DOCK3: variants seen among roughly 807,000 people sequenced by gnomAD.
The protein encoded by DOCK3 is dedicator of cytokinesis protein 3.
Under a neutral mutation model 265.6 loss-of-function variants are expected in DOCK3, and 60 were observed. The ratio of observed to expected loss-of-function variants is 0.23; its 90% CI spans 0.18 to 0.28. The LOEUF (loss-of-function observed/expected upper bound fraction) is 0.28. DOCK3 is among the 10% of genes least tolerant of loss of function. DOCK3 has a pLI of 1.00. For missense variants in DOCK3, 1,981 were observed against 2,594.3 expected, an observed-to-expected ratio of 0.76 and a Z score of 5.14; for synonymous variants, 881 against 938.0, an observed-to-expected ratio of 0.94 and a Z score of 1.11.
chr3:51,045,418 ACACACAGTT>A (rs1225386228), intron 5 of DOCK3, among the ~76,000 whole-genome samples: 6 of 152,170 alleles, frequency 3.9e-5, no homozygotes, highest in Non-Finnish European at 8.8e-5. Context: ...ATCACTGATC[ACACACAGTT>A]CACCATAACA....
chr3:51,136,565 G>A (rs890865583), intron 9 of DOCK3, among the ~76,000 whole-genome samples: 3 of 152,028 alleles, frequency 2.0e-5, no homozygotes, highest in African/African-American at 7.2e-5. Flanking sequence ...TGCAATTATA[G>A]CATTTTCACA....
intron 5 of DOCK3, among the ~76,000 whole-genome samples, chr3:51,015,159 A>G (rs1291262103): frequency 6.6e-6 from 1 of 152,076 alleles, no homozygotes; most frequent in Admixed American, 6.6e-5. Flanking sequence ...TAGGACTTCC[A>G]GTACTATTTT....
chr3:50,907,816 C>CT (rs1310151121), intron 4 of DOCK3, among the ~76,000 whole-genome samples: 7 of 151,930 alleles, frequency 4.6e-5, no homozygotes, highest in African/African-American at 1.7e-4. Flanking sequence ...GGTACCAGCT[C>CT]TTTTTTGTGC....
At chr3:51,049,538 G>C (rs2080909804) in intron 5 of DOCK3, among the ~76,000 whole-genome samples, 1 of 152,008 alleles carries the variant, frequency 6.6e-6, no homozygotes, top group Non-Finnish European at 1.5e-5. Context: ...TTCTGTACCA[G>C]TGTTTTGCCT....
chr3:50,869,451 A>C (rs1321559841), intron 3 of DOCK3, among the ~76,000 whole-genome samples: 3 of 126,890 alleles, frequency 2.4e-5, no homozygotes, highest in African/African-American at 9.4e-5. Flanking sequence ...GCTCACTGCA[A>C]CCTCTGCCTG....
At chr3:51,256,307 G>C (rs2079543006) in intron 22 of DOCK3, among the ~76,000 whole-genome samples, 1 of 152,212 alleles carries the variant, frequency 6.6e-6, no homozygotes, top group African/African-American at 2.4e-5. Context: ...CACTTACTCT[G>C]TTGCCCAGGC....
chr3:50,875,937 T>C (rs941495608), intron 3 of DOCK3, among the ~76,000 whole-genome samples: 2 of 151,960 alleles, frequency 1.3e-5, no homozygotes, highest in African/African-American at 2.4e-5. Context: ...TTTCATGATA[T>C]ATTGAACAAG....
chr3:50,941,179 A>C (rs537211377), intron 5 of DOCK3, among the ~76,000 whole-genome samples: 1 of 152,298 alleles, frequency 6.6e-6, no homozygotes, highest in Non-Finnish European at 1.5e-5. Context: ...ATATCCATCA[A>C]AAGATTTGTA....
At chr3:51,293,669 G>A (rs766950940) in intron 27 of DOCK3, among the ~76,000 whole-genome samples, 1 of 152,080 alleles carries the variant, frequency 6.6e-6, no homozygotes, top group Non-Finnish European at 1.5e-5. Flanking sequence ...AGAATGAAGA[G>A]AACACCTACA....
chr3:51,275,231 C>G, intron 25 of DOCK3, 25 bp downstream of exon 25: 2 of 1,613,324 alleles, frequency 1.2e-6, no homozygotes, highest in Non-Finnish European at 1.7e-6. Flanking sequence ...CCCACTCCAC[C>G]CTGTTCAGCT....
intron 1 of DOCK3, among the ~76,000 whole-genome samples, chr3:50,739,341 A>G (rs185859215): frequency 4.6e-5 from 7 of 152,148 alleles, no homozygotes; most frequent in Admixed American, 3.9e-4. Flanking sequence ...AGACCAACCA[A>G]ATCATTTAGT....
intron 1 of DOCK3, among the ~76,000 whole-genome samples, chr3:50,725,997 A>C (rs1274029962): frequency 1.4e-4 from 22 of 152,182 alleles, no homozygotes; most frequent in Non-Finnish European, 1.5e-5. Context: ...ATAAAAATTC[A>C]ATGTTGCTTA....
intron 9 of DOCK3, among the ~76,000 whole-genome samples, chr3:51,114,042 G>A (rs1474352850): frequency 6.6e-6 from 1 of 151,964 alleles, no homozygotes; most frequent in East Asian, 1.9e-4. Context: ...CCTGGAGGTC[G>A]AGGTTGCAGT....
chr3:50,930,644 C>T (rs979732341), intron 4 of DOCK3, among the ~76,000 whole-genome samples: 7 of 152,190 alleles, frequency 4.6e-5, no homozygotes, highest in African/African-American at 1.7e-4. Flanking sequence ...CGCAGAGCTC[C>T]CCCTCACCTG....
intron 4 of DOCK3, among the ~76,000 whole-genome samples, chr3:50,908,167 G>C (rs527670284): frequency 1.4e-5 from 2 of 138,956 alleles, no homozygotes; most frequent in East Asian, 4.2e-4. Flanking sequence ...CCATCTTCCA[G>C]ATTCATTGAT....
At chr3:50,819,172 T>C (rs527827372) in intron 2 of DOCK3, among the ~76,000 whole-genome samples, 28 of 152,326 alleles carry the variant, frequency 1.8e-4, no homozygotes, top group African/African-American at 6.7e-4. Context: ...GCTTTGACTT[T>C]GGCACCTGCA....
intron 19 of DOCK3, among the ~76,000 whole-genome samples, chr3:51,233,328 A>T (rs1262422697): frequency 2.4e-5 from 1 of 41,684 alleles, no homozygotes; most frequent in East Asian, 3.4e-4. Context: ...CTATCTATCT[A>T]TCTATCTATC....
At chr3:51,070,218 A>G (rs1476098437) in intron 6 of DOCK3, among the ~76,000 whole-genome samples, 1 of 152,234 alleles carries the variant, frequency 6.6e-6, no homozygotes, top group East Asian at 1.9e-4. Context: ...GACACTCATT[A>G]ATCAATTGAT....
rs774793491 is a variant in DOCK3 at position 51,355,055 on chromosome 3, G to A, written c.4249+32G>A. On this transcript the variant is annotated intron_variant, in intron 41 of 52. Transcript: ENST00000266037. ...TTTGATACTGGGTGGGAGGAGGAGG[G>A]CAGGGGCCCTGGGAGGTGAGATCCA... The A allele has an allele frequency of 1.1e-5, 17 of 1,605,174 alleles. No homozygotes were observed. The East Asian group carries it at 3.8e-4, about 36-fold the overall frequency.
Sources: allele counts gnomAD v4.1 joint callset (sites outside exome capture counted in the v4.1 genomes callset), GRCh38; gene constraint gnomAD v4.1.1; transcripts MANE v1.5; gene names NCBI Gene and HGNC (gene_info 2026-07-23, HGNC 2026-07-21).